Variants in KCNIP4 observed in about 807,000 individuals in gnomAD.
KCNIP4 encodes potassium voltage-gated channel interacting protein 4.
In KCNIP4, 12 loss-of-function variants were observed where a neutral mutation model predicts 34.0. That is an observed-to-expected ratio of 0.35 (90% CI 0.23 to 0.57). KCNIP4 has a LOEUF of 0.57. KCNIP4 is among the 20% of genes least tolerant of loss of function. The pLI is 0.83. For synonymous variants in KCNIP4, 124 were observed against 102.2 expected (o/e 1.21, Z -1.29); for missense variants, 238 against 311.7 (o/e 0.76, Z 1.78).
intron 1 of KCNIP4, among the ~76,000 whole-genome samples, chr4:21,412,757 A>G (rs1724615920): frequency 6.6e-6 from 1 of 152,170 alleles, no homozygotes; most frequent in African/African-American, 2.4e-5. Flanking sequence ...ATTTTCCACA[A>G]TGGTGCATGT....
chr4:20,830,940 A>G (rs779551119), intron 3 of KCNIP4, among the ~76,000 whole-genome samples: 3 of 152,234 alleles, frequency 2.0e-5, no homozygotes, highest in Non-Finnish European at 4.4e-5. Context: ...AGGATCTAAT[A>G]GCAGAGAAGG....
chr4:21,053,451 T>A (rs1432164831), intron 1 of KCNIP4, among the ~76,000 whole-genome samples: 1 of 152,196 alleles, frequency 6.6e-6, no homozygotes, highest in Non-Finnish European at 1.5e-5. Flanking sequence ...CCAATTAAGG[T>A]CAGGAACAAG....
chr4:21,896,722 C>T (rs899694930), intron 1 of KCNIP4, among the ~76,000 whole-genome samples: 1 of 152,038 alleles, frequency 6.6e-6, no homozygotes, highest in Admixed American at 6.6e-5. Context: ...AGTTTGAGAT[C>T]AGGCTGGCCA....
chr4:21,180,352 G>T (rs1207525577), intron 1 of KCNIP4, among the ~76,000 whole-genome samples: 1 of 151,992 alleles, frequency 6.6e-6, no homozygotes. Flanking sequence ...TAAGAAAAAA[G>T]ATTGATTTAT....
chr4:21,486,999 C>A (rs1731980244), intron 1 of KCNIP4, among the ~76,000 whole-genome samples: 1 of 151,994 alleles, frequency 6.6e-6, no homozygotes, highest in Non-Finnish European at 1.5e-5. Context: ...CAGGGTTTCA[C>A]CATATTGCCC....
chr4:21,653,277 C>T (rs533043654), intron 1 of KCNIP4, among the ~76,000 whole-genome samples: 19 of 152,296 alleles, frequency 1.2e-4, no homozygotes, highest in East Asian at 7.7e-4. Context: ...CTACAGCTTA[C>T]TTCTACAGCT....
At chr4:21,678,163 A>G (rs575166634) in intron 1 of KCNIP4, among the ~76,000 whole-genome samples, 18 of 152,246 alleles carry the variant, frequency 1.2e-4, no homozygotes, top group Non-Finnish European at 2.1e-4. Context: ...TGTTACAACT[A>G]CTCAACACTA....
At chr4:20,915,151 C>T (rs576701527) in intron 1 of KCNIP4, among the ~76,000 whole-genome samples, 15 of 152,290 alleles carry the variant, frequency 9.8e-5, no homozygotes, top group South Asian at 4.1e-4. Context: ...CGCCAACAAA[C>T]GCTATTTATT....
chr4:20,999,751 GA>G (rs1279573553), intron 1 of KCNIP4, among the ~76,000 whole-genome samples: 2 of 151,726 alleles, frequency 1.3e-5, no homozygotes, highest in Non-Finnish European at 2.9e-5. Context: ...GGCTGGAGAG[GA>G]AAAGAGTACA....
chr4:21,301,385 A>G (rs1354023802), intron 1 of KCNIP4, among the ~76,000 whole-genome samples: 4 of 152,148 alleles, frequency 2.6e-5, no homozygotes, highest in Non-Finnish European at 5.9e-5. Context: ...ATACTATAAA[A>G]CAGTTGTAAG....
At chr4:21,592,138 T>C (rs1431605850) in intron 1 of KCNIP4, among the ~76,000 whole-genome samples, 2 of 152,042 alleles carry the variant, frequency 1.3e-5, no homozygotes, top group East Asian at 1.9e-4. Flanking sequence ...GAGAGAAGCA[T>C]TGAAATTATC....
chr4:21,540,445 C>T (rs1179872778), intron 1 of KCNIP4, among the ~76,000 whole-genome samples: 2 of 152,088 alleles, frequency 1.3e-5, no homozygotes, highest in Non-Finnish European at 2.9e-5. Context: ...CATGAAGGCT[C>T]AAATCAGGAG....
At chr4:21,755,328 C>T (rs1717434233) in intron 1 of KCNIP4, among the ~76,000 whole-genome samples, 1 of 152,054 alleles carries the variant, frequency 6.6e-6, no homozygotes, top group African/African-American at 2.4e-5. Context: ...ACGTTTCTGG[C>T]AAAACTTTAA....
intron 1 of KCNIP4, among the ~76,000 whole-genome samples, chr4:21,433,735 C>T (rs745744425): frequency 6.6e-6 from 1 of 152,174 alleles, no homozygotes; most frequent in Non-Finnish European, 1.5e-5. Flanking sequence ...GGTTTATCCT[C>T]TGCTATAGCC....
chr4:21,209,611 CTATCTATT>C (rs965070940), intron 1 of KCNIP4, among the ~76,000 whole-genome samples: 14 of 151,200 alleles, frequency 9.3e-5, no homozygotes, highest in African/African-American at 2.7e-4. Context: ...ATCTATCTAT[CTATCTATT>C]TATCTATTTA....
At chr4:20,870,081 G>A (rs1252864283) in intron 2 of KCNIP4, among the ~76,000 whole-genome samples, 1 of 151,924 alleles carries the variant, frequency 6.6e-6, no homozygotes, top group Non-Finnish European at 1.5e-5. Flanking sequence ...GCCCATTTTC[G>A]ATGGGTACAT....
intron 3 of KCNIP4, among the ~76,000 whole-genome samples, chr4:20,797,968 G>C (rs1713694707): frequency 6.6e-6 from 1 of 152,224 alleles, no homozygotes; most frequent in Non-Finnish European, 1.5e-5. Context: ...TAGTAAATCA[G>C]TGTTTTTAGC....
chr4:20,743,852 A>G (rs1197725406), intron 5 of KCNIP4, among the ~76,000 whole-genome samples: 3 of 152,160 alleles, frequency 2.0e-5, no homozygotes, highest in Non-Finnish European at 2.9e-5. Flanking sequence ...AATGGGAGAA[A>G]ATTTTCGCAA....
rs532800062 is a variant in KCNIP4, at chr4:21,631,854, A to G, written c.61+316717T>C. ...CTCCATTTTCCTTGAGGGTTATGAA[A>G]TAAAATGAGATTTGGTGTTCCATCA... On this transcript the variant is annotated intron_variant, in intron 1 of 8. Transcript: ENST00000382152. Among the ~76,000 whole-genome samples the G allele has an allele frequency of 5.8e-4, 89 of 152,312 alleles. 1 individual carries two copies. The highest frequency in any genetic ancestry group is 8.3e-4 in the South Asian group (4 of 4,834).
Sources: allele counts gnomAD v4.1 joint callset (sites outside exome capture counted in the v4.1 genomes callset), GRCh38; gene constraint gnomAD v4.1.1; transcripts MANE v1.5; gene names NCBI Gene and HGNC (gene_info 2026-07-23, HGNC 2026-07-21).